KAZN: variants seen among roughly 807,000 people sequenced by gnomAD.
KAZN encodes kazrin.
KAZN carries 40 observed loss-of-function variants against 87.4 expected under a neutral mutation model. The observed-to-expected ratio is 0.46, with a 90% CI of 0.36 to 0.60. KAZN has a LOEUF of 0.60. KAZN is among the 20% of genes least tolerant of loss of function. The pLI is 0.00. For synonymous variants in KAZN, 466 were observed against 458.3 expected, an observed-to-expected ratio of 1.02 and a Z score of -0.22; for missense variants, 898 against 1,073.9, an observed-to-expected ratio of 0.84 and a Z score of 2.29.
At chr1:14,306,139 T>A (rs573674464) in intron 2 of KAZN, among the ~76,000 whole-genome samples, 1 of 152,308 alleles carries the variant, frequency 6.6e-6, no homozygotes, top group South Asian at 2.1e-4. Context: ...TGGAATGTGT[T>A]GTCGCATTTT....
intron 13 of KAZN, among the ~76,000 whole-genome samples, chr1:15,110,826 C>T (rs556051884): frequency 1.3e-5 from 2 of 152,330 alleles, no homozygotes; most frequent in East Asian, 3.9e-4. Flanking sequence ...AAGACACACC[C>T]CCTCTTTGGT....
intron 1 of KAZN, among the ~76,000 whole-genome samples, chr1:13,968,312 C>T (rs1642015823): frequency 6.6e-6 from 1 of 152,210 alleles, no homozygotes; most frequent in Non-Finnish European, 1.5e-5. Flanking sequence ...TAACCTCTCA[C>T]TTTCCTGATG....
At chr1:14,902,699 G>T (rs1394219244) in intron 1 of KAZN, among the ~76,000 whole-genome samples, 5 of 152,292 alleles carry the variant, frequency 3.3e-5, no homozygotes, top group African/African-American at 1.2e-4. Flanking sequence ...AGTGAGAGGG[G>T]TGGGAGCTGC....
At chr1:14,795,046 G>A (rs892205870) in intron 1 of KAZN, among the ~76,000 whole-genome samples, 2 of 152,116 alleles carry the variant, frequency 1.3e-5, no homozygotes, top group Non-Finnish European at 2.9e-5. Context: ...GAGGCTCTCG[G>A]GCCTTTGGCT....
At chr1:14,465,398 C>A (rs368013602) in intron 2 of KAZN, among the ~76,000 whole-genome samples, 389 of 84,626 alleles carry the variant, frequency 4.6e-3, no homozygotes, top group Admixed American at 6.1e-3. Flanking sequence ...GACTCTGTCT[C>A]AAAAAAAAAA....
chr1:14,967,576 G>C (rs1363925376), intron 2 of KAZN, among the ~76,000 whole-genome samples: 2 of 152,200 alleles, frequency 1.3e-5, no homozygotes, highest in African/African-American at 4.8e-5. Context: ...ATGAGTCTCC[G>C]GTGGGCCCAG....
rs181008210 is a variant in KAZN at position 14,678,965 on chromosome 1, T to C, written c.226+79742T>C. Among the ~76,000 whole-genome samples the C allele has an allele frequency of 4.2e-3, 637 of 152,306 alleles. 5 individuals carry two copies. The highest frequency in any genetic ancestry group is 0.015 in the African/African-American group (616 of 41,560). On this transcript the variant is annotated intron_variant, in intron 1 of 14. Coordinates refer to ENST00000376030, the MANE Select transcript of KAZN (RefSeq NM_201628.3). ...GATTAATTACATAATCCCAAAAACG[T>C]ATAATTACAGATTGTGGTAAATGCT...
intron 1 of KAZN, among the ~76,000 whole-genome samples, chr1:14,041,927 C>T (rs1306310080): frequency 1.3e-5 from 2 of 152,140 alleles, no homozygotes; most frequent in African/African-American, 4.8e-5. Flanking sequence ...TTGAAAAGTC[C>T]AGTTCCGTAC....
chr1:13,941,633 G>C (rs975871727), intron 1 of KAZN, among the ~76,000 whole-genome samples: 1 of 152,150 alleles, frequency 6.6e-6, no homozygotes, highest in Non-Finnish European at 1.5e-5. Flanking sequence ...TAGCACTTTA[G>C]AACAAGCACA....
At chr1:14,093,417 T>A (rs1644053159) in intron 1 of KAZN, among the ~76,000 whole-genome samples, 1 of 152,204 alleles carries the variant, frequency 6.6e-6, no homozygotes, top group South Asian at 2.1e-4. Flanking sequence ...GACTAGGCTG[T>A]CTCATCTTGG....
chr1:15,084,532 G>A (rs2100644591), intron 8 of KAZN, among the ~76,000 whole-genome samples: 1 of 152,354 alleles, frequency 6.6e-6, no homozygotes, highest in East Asian at 1.9e-4. Flanking sequence ...CAGAACAGGA[G>A]CAGTGAGTGA....
intron 2 of KAZN, among the ~76,000 whole-genome samples, chr1:14,462,353 A>G (rs1667902813): frequency 6.6e-6 from 1 of 152,066 alleles, no homozygotes; most frequent in Non-Finnish European, 1.5e-5. Context: ...CTGTGCAGGA[A>G]GCAGATTTTC....
At chr1:14,022,543 CA>C (rs1640892831) in intron 1 of KAZN, among the ~76,000 whole-genome samples, 1 of 104,810 alleles carries the variant, frequency 9.5e-6, no homozygotes, top group African/African-American at 3.4e-5. Context: ...ATAAAAATAA[CA>C]AACAAAAACT....
At chr1:14,363,667 G>T (rs997672138) in intron 2 of KAZN, among the ~76,000 whole-genome samples, 3 of 152,144 alleles carry the variant, frequency 2.0e-5, no homozygotes, top group African/African-American at 7.2e-5. Context: ...CAGCAGCTGG[G>T]TTTTTTATGA....
At chr1:14,369,604 G>A (rs571282963) in intron 2 of KAZN, among the ~76,000 whole-genome samples, 1 of 152,316 alleles carries the variant, frequency 6.6e-6, no homozygotes, top group East Asian at 1.9e-4. Flanking sequence ...ATGATGGGTT[G>A]CGAATGATGA....
chr1:14,899,817 G>C (rs1227458176), intron 1 of KAZN, among the ~76,000 whole-genome samples: 1 of 152,112 alleles, frequency 6.6e-6, no homozygotes, highest in Admixed American at 6.6e-5. Context: ...ACCGTCTTAA[G>C]CACTGTCCTC....
intron 1 of KAZN, among the ~76,000 whole-genome samples, chr1:14,747,868 C>T (rs546564007): frequency 6.6e-6 from 1 of 152,194 alleles, no homozygotes; most frequent in East Asian, 1.9e-4. Flanking sequence ...CCGCCAACAC[C>T]GGTTGCCACC....
chr1:13,999,371 AAACAAAAAAAC>A (rs1186742055), intron 1 of KAZN, among the ~76,000 whole-genome samples: 17 of 149,294 alleles, frequency 1.1e-4, no homozygotes, highest in African/African-American at 3.1e-4. Flanking sequence ...AAAAAACAAA[AAACAAAAAAAC>A]AAACAAAAAA....
At chr1:14,350,133 CAAAA>C (rs111546286) in intron 2 of KAZN, among the ~76,000 whole-genome samples, 1 of 100,530 alleles carries the variant, frequency 9.9e-6, no homozygotes, top group Non-Finnish European at 2.0e-5. Flanking sequence ...GACTCCATCT[CAAAA>C]AAAAAAAAAA....
Sources: gnomAD v4.1 joint callset for allele counts (sites outside exome capture counted in the v4.1 genomes callset) on GRCh38, gnomAD v4.1.1 for gene constraint, MANE v1.5 for transcripts, NCBI Gene and HGNC (gene_info 2026-07-23, HGNC 2026-07-21) for gene names.